TUSC3: variants seen among roughly 807,000 people sequenced by gnomAD.
TUSC3 encodes the protein dolichyl-diphosphooligosaccharide--protein glycosyltransferase subunit TUSC3.
A neutral mutation model predicts 44.8 loss-of-function variants in TUSC3; 45 were observed. The ratio of observed to expected loss-of-function variants is 1.00; its 90% CI spans 0.79 to 1.29. The LOEUF (loss-of-function observed/expected upper bound fraction) is 1.29. Ranked by LOEUF, TUSC3 falls within the 50% of genes most tolerant of loss-of-function variation. TUSC3 has a pLI of 0.00. For missense variants in TUSC3, 519 were observed against 437.9 expected (o/e 1.19, Z -1.65); for synonymous variants, 212 against 152.9 (o/e 1.39, Z -2.85).
intron 6 of TUSC3, among the ~76,000 whole-genome samples, chr8:15,715,354 T>G (rs1198692786): frequency 2.0e-5 from 3 of 152,136 alleles, no homozygotes; most frequent in African/African-American, 7.2e-5. Flanking sequence ...CTGTGGTCTG[T>G]CTCTCCTTTA....
the TUSC3 span, among the ~76,000 whole-genome samples, chr8:15,818,335 C>T: frequency 6.6e-6 from 1 of 152,170 alleles, no homozygotes; most frequent in African/African-American, 2.4e-5. Flanking sequence ...CCTTTTCAAA[C>T]AGCTTTTCAG....
chr8:15,466,196 C>A (rs1456654116), intron 1 of TUSC3, among the ~76,000 whole-genome samples: 1 of 152,168 alleles, frequency 6.6e-6, no homozygotes, highest in African/African-American at 2.4e-5. Context: ...AAGGCAGCAT[C>A]TTTTCTGCCA....
At chr8:15,670,332 ATATT>A (rs1439882634) in intron 5 of TUSC3, among the ~76,000 whole-genome samples, 1 of 151,852 alleles carries the variant, frequency 6.6e-6, no homozygotes, top group East Asian at 1.9e-4. Context: ...TAGATCTTTA[ATATT>A]TATTCATTTC....
chr8:15,433,514 T>C (rs1799904222), intron 1 of TUSC3, among the ~76,000 whole-genome samples: 1 of 152,008 alleles, frequency 6.6e-6, no homozygotes, highest in South Asian at 2.1e-4. Flanking sequence ...TTTATTCCTG[T>C]TCTCATTCAA....
chr8:15,575,979 CTGAG>C (rs1803087857), intron 1 of TUSC3, among the ~76,000 whole-genome samples: 1 of 149,442 alleles, frequency 6.7e-6, no homozygotes, highest in Non-Finnish European at 1.5e-5. Context: ...GATATAATAA[CTGAG>C]TAATATAACT....
rs977005861 is a variant in TUSC3 at position 15,422,013 on chromosome 8, T to A, written n.91+4708T>A. Among the ~76,000 whole-genome samples, 4 of 152,208 alleles carry A rather than the reference T, an allele frequency of 2.6e-5. No individual in the cohort carries two copies. In the East Asian group the frequency reaches 7.7e-4, roughly 29 times the overall value. ...ATGTACTAATTATACTTATTGTTCC[T>A]TTCCTTTCTTGAGTTCCAAACTACA... is the stretch of plus-strand genomic sequence containing the variant. On this transcript the variant is annotated intron_variant and non_coding_transcript_variant, in intron 1 of 5. Transcript: ENST00000503191.
chr8:15,772,128 T>C, the TUSC3 span, among the ~76,000 whole-genome samples: 1 of 151,326 alleles, frequency 6.6e-6, no homozygotes. Context: ...TGAATTAATA[T>C]CCCAAGTACA....
chr8:15,827,071 G>A, the TUSC3 span, among the ~76,000 whole-genome samples: 1 of 152,084 alleles, frequency 6.6e-6, no homozygotes, highest in Non-Finnish European at 1.5e-5. Flanking sequence ...CCACATTTCT[G>A]ACATTAGCAT....
intron 1 of TUSC3, among the ~76,000 whole-genome samples, chr8:15,418,686 G>C (rs936329136): frequency 1.3e-5 from 2 of 152,150 alleles, no homozygotes; most frequent in Non-Finnish European, 2.9e-5. Flanking sequence ...TGCTGTTTTT[G>C]TCAATACCTA....
At chr8:15,815,192 C>T in the TUSC3 span, among the ~76,000 whole-genome samples, 1 of 152,088 alleles carries the variant, frequency 6.6e-6, no homozygotes, top group East Asian at 1.9e-4. Context: ...GACTGCAAGA[C>T]TTCAAGGAAG....
At chr8:15,518,699 G>A (rs567845858) in intron 2 of TUSC3, among the ~76,000 whole-genome samples, 2 of 152,068 alleles carry the variant, frequency 1.3e-5, no homozygotes, top group Non-Finnish European at 1.5e-5. Flanking sequence ...AAAATATAGG[G>A]TTAAAGCAGC....
In TUSC3 at chr8:15,548,991, A is replaced by T. The variant is rs78454536; in HGVS notation, c.138+8423A>T. Among the ~76,000 whole-genome samples the T allele has an allele frequency of 7.3e-3, 1,111 of 151,736 alleles. 16 individuals carry two copies. Among genetic ancestry groups the T allele is most frequent in the African/African-American group, 0.025 (1,038 of 41,486 alleles). Reference sequence around the variant, plus strand: ...TGAAATAAGTGTTTTTATTGAGTGGATTGAAGCTCTGTGTTAAATAATGTG... The same window carrying T: ...TGAAATAAGTGTTTTTATTGAGTGGTTTGAAGCTCTGTGTTAAATAATGTG... On this transcript the variant is annotated intron_variant, in intron 1 of 10. Transcript: ENST00000503731.
At chr8:15,768,982 T>G (rs1423814312), downstream of TUSC3, among the ~76,000 whole-genome samples, 1 of 152,140 alleles carries the variant, frequency 6.6e-6, no homozygotes, top group Non-Finnish European at 1.5e-5. Context: ...ATGAATATCG[T>G]GAAAATGGCC....
intron 5 of TUSC3, among the ~76,000 whole-genome samples, chr8:15,666,304 T>C (rs532702036): frequency 2.0e-5 from 3 of 151,636 alleles, no homozygotes; most frequent in South Asian, 4.2e-4. Context: ...TAAAGCATCA[T>C]TAAAATAATG....
In TUSC3 at chr8:15,665,470, T is replaced by A. The variant is rs550177954; in HGVS notation, c.708+3174T>A. Among the ~76,000 whole-genome samples the A allele has an allele frequency of 2.0e-5, 3 of 151,510 alleles. No homozygotes were observed. The South Asian group carries it at 6.2e-4, about 31-fold the overall frequency. On this transcript the variant is annotated intron_variant, in intron 5 of 10. Coordinates refer to ENST00000503731, the MANE Select transcript of TUSC3 (RefSeq NM_006765.4). ...TAGACTGTATTTTAAGGCTCATATT[T>A]TTTTTGTCTTTTTTTTACTGTGTTA...
intron 10 of TUSC3, among the ~76,000 whole-genome samples, chr8:15,761,099 AAC>A (rs1409275619): frequency 2.0e-5 from 3 of 152,200 alleles, no homozygotes; most frequent in African/African-American, 7.2e-5. Context: ...TGCTGATTGA[AAC>A]AGACTTTTGG....
the TUSC3 span, among the ~76,000 whole-genome samples, chr8:15,782,625 G>A: frequency 6.6e-6 from 1 of 152,020 alleles, no homozygotes; most frequent in Non-Finnish European, 1.5e-5. Context: ...ACAGAACAAA[G>A]GAAAACAATA....
At chr8:15,554,578 T>C (rs1802170753) in intron 1 of TUSC3, among the ~76,000 whole-genome samples, 1 of 150,812 alleles carries the variant, frequency 6.6e-6, no homozygotes, top group Admixed American at 6.7e-5. Flanking sequence ...TCAAGGACTG[T>C]TGACTTTTGC....
At chr8:15,814,245 G>C in the TUSC3 span, among the ~76,000 whole-genome samples, 1 of 152,138 alleles carries the variant, frequency 6.6e-6, no homozygotes, top group African/African-American at 2.4e-5. Context: ...ATGTGTGTGT[G>C]TGTGGTCTTC....
Sources: allele counts gnomAD v4.1 joint callset (sites outside exome capture counted in the v4.1 genomes callset), GRCh38; gene constraint gnomAD v4.1.1; transcripts MANE v1.5; gene names NCBI Gene and HGNC (gene_info 2026-07-23, HGNC 2026-07-21).